Variants in WNT5B observed in about 807,000 individuals in gnomAD.
WNT5B encodes the protein Wnt family member 5B.
Under a neutral mutation model 36.5 loss-of-function variants are expected in WNT5B, and 18 were observed. The observed-to-expected ratio is 0.49, with a 90% CI of 0.34 to 0.73. The LOEUF is 0.73. Among genes scored for constraint, WNT5B ranks in the 30% least tolerant of loss-of-function variants. The pLI, the probability that WNT5B is intolerant of heterozygous loss-of-function variation, is 0.01. For synonymous variants in WNT5B, 213 were observed against 212.3 expected (o/e 1.00, Z -0.03); for missense variants, 424 against 508.4 (o/e 0.83, Z 1.60).
chr12:1,628,866 G>C (rs1193600027), upstream of WNT5B, among the ~76,000 whole-genome samples: 1 of 151,874 alleles, frequency 6.6e-6, no homozygotes. Flanking sequence ...TCAAGAATTG[G>C]CTCGCATCTG....
upstream of WNT5B, among the ~76,000 whole-genome samples, chr12:1,625,766 C>T (rs887393733): frequency 2.0e-5 from 3 of 152,130 alleles, no homozygotes; most frequent in South Asian, 2.1e-4. Context: ...CAGGTTCAAG[C>T]GATTCTCCTG....
intron 1 of WNT5B, chr12:1,629,991 G>GC: frequency 2.8e-6 from 1 of 363,086 alleles, no homozygotes; most frequent in South Asian, 1.1e-4. Flanking sequence ...GCCTGTTGGT[G>GC]CCCCCGCCCC....
chr12:1,639,595 C>T (rs990320248), intron 3 of WNT5B, 89 bp from the exon 4 acceptor site: 90 of 1,375,710 alleles, frequency 6.5e-5, no homozygotes, highest in Non-Finnish European at 7.2e-5. Context: ...AGAGCCGTGG[C>T]GTGCGGGTCC....
At position 1,633,290 on chromosome 12, in the gene WNT5B, A is replaced by G. The variant is rs977105376; in HGVS notation, c.328+385A>G. ...CAGTGCAAAAAAGAGCCTTGGGTAGAGAACCAGAAATTGCAGCCCTGAATG... is the reference window on the plus strand; with the variant it reads ...CAGTGCAAAAAAGAGCCTTGGGTAGGGAACCAGAAATTGCAGCCCTGAATG... On this transcript the variant is annotated intron_variant, in intron 3 of 4. Coordinates refer to ENST00000397196, the MANE Select transcript of WNT5B (RefSeq NM_032642.3). The surrounding 1 kb of genome is among the most constrained non-coding windows in gnomAD (Gnocchi z 4.8). Among the ~76,000 whole-genome samples, 1 of 152,186 alleles carries G rather than the reference A, an allele frequency of 6.6e-6. No homozygotes were observed.
In WNT5B at chr12:1,639,669, G is replaced by T. The variant is rs781295499; in HGVS notation, c.329-15G>T. The stretch of plus-strand genomic sequence containing the variant: ...GGAGAGCGCACCCGCTTACCGCCCT[G>T]GCCTCATTCTGCAGGCAGCCGAGAG... On this transcript the variant is annotated splice_polypyrimidine_tract_variant and intron_variant, in intron 3 of 4. Coordinates refer to ENST00000397196, the MANE Select transcript of WNT5B (RefSeq NM_032642.3). 1 of 1,523,968 alleles carries T rather than the reference G, an allele frequency of 6.6e-7. No homozygotes were observed. The highest frequency in any genetic ancestry group is 8.7e-7 in the Non-Finnish European group (1 of 1,145,780). 94.4% of individuals were successfully genotyped at this position (1,523,968 alleles called of 1,614,324 possible). A position where few individuals can be genotyped will look rare whatever the true frequency, so the allele number is the denominator to read the frequency against.
chr12:1,626,804 A>G (rs974368775), upstream of WNT5B, among the ~76,000 whole-genome samples: 11 of 151,864 alleles, frequency 7.2e-5, no homozygotes, highest in African/African-American at 2.4e-4. Flanking sequence ...TGACCTCATG[A>G]TCTGCCCGCC....
At chr12:1,627,393 G>A (rs1203005494), upstream of WNT5B, among the ~76,000 whole-genome samples, 2 of 152,216 alleles carry the variant, frequency 1.3e-5, no homozygotes, top group Admixed American at 6.5e-5. The surrounding 1 kb of genome is among the most constrained non-coding windows in gnomAD (Gnocchi z 5.0). Context: ...CTAGATATCA[G>A]TGGGTTTGTG....
chr12:1,638,304 A>G (rs1376559535), intron 3 of WNT5B, among the ~76,000 whole-genome samples: 1 of 152,232 alleles, frequency 6.6e-6, no homozygotes, highest in African/African-American at 2.4e-5. Flanking sequence ...AAGAAAGCTG[A>G]GCATAGTAAA....
At chr12:1,631,188 G>A (rs539922026) in intron 1 of WNT5B, 110 bp from the exon 2 acceptor site, 4 of 974,378 alleles carry the variant, frequency 4.1e-6, no homozygotes, top group Admixed American at 5.5e-5. Flanking sequence ...TCTTTGTGGG[G>A]AACACGCAGC....
At chr12:1,628,943 G>A (rs911859118), upstream of WNT5B, among the ~76,000 whole-genome samples, 1 of 151,972 alleles carries the variant, frequency 6.6e-6, no homozygotes, top group Admixed American at 6.6e-5. Flanking sequence ...GTGCACGCGC[G>A]CGTGCATATG....
chr12:1,639,384 C>T (rs1294261996), intron 3 of WNT5B, among the ~76,000 whole-genome samples: 5 of 152,192 alleles, frequency 3.3e-5, no homozygotes, highest in Non-Finnish European at 5.9e-5. Flanking sequence ...GTGGTCCGCC[C>T]GCCCCGGCCT....
Position 1,630,220 on chromosome 12 carries a change from T to C in WNT5B, c.-58+849T>C. The C allele has an allele frequency of 1.4e-5, 14 of 985,238 alleles. No homozygotes were observed. The highest frequency in any genetic ancestry group is 1.7e-5 in the Non-Finnish European group (14 of 829,886). 61.0% of individuals were successfully genotyped at this position (985,238 alleles called of 1,614,324 possible). A position where few individuals can be genotyped will look rare whatever the true frequency, so the allele number is the denominator to read the frequency against. On this transcript the variant is annotated intron_variant, in intron 1 of 4. Transcript: ENST00000397196. The surrounding 1 kb of genome is among the most constrained non-coding windows in gnomAD (Gnocchi z 5.3). ...TGAGCCGGGGCGCGCGGGGCTGCGCTCGTCAGGTCCGGGGCCCCGGGGAGG... is the reference window on the plus strand; with the variant it reads ...TGAGCCGGGGCGCGCGGGGCTGCGCCCGTCAGGTCCGGGGCCCCGGGGAGG...
chr12:1,623,189 T>TG (rs1291745492), intron 1 of WNT5B, among the ~76,000 whole-genome samples: 8 of 87,886 alleles, frequency 9.1e-5, no homozygotes, highest in African/African-American at 2.8e-4. Context: ...TTTTTGTTGT[T>TG]TTTTTTTTTT....
intron 3 of WNT5B, among the ~76,000 whole-genome samples, chr12:1,638,294 A>C (rs1806397800): frequency 6.6e-6 from 1 of 152,194 alleles, no homozygotes; most frequent in South Asian, 2.1e-4. Flanking sequence ...TGCACAGCAC[A>C]AGAAAGCTGA....
At chr12:1,624,402 G>A (rs201431007), upstream of WNT5B, among the ~76,000 whole-genome samples, 62 of 119,440 alleles carry the variant, frequency 5.2e-4, no homozygotes, top group Middle Eastern at 4.2e-3. Context: ...AAAAAAAAAA[G>A]AGAAAGCAGA....
upstream of WNT5B, among the ~76,000 whole-genome samples, chr12:1,627,633 C>T (rs540640729): frequency 1.3e-5 from 2 of 152,276 alleles, no homozygotes; most frequent in Non-Finnish European, 1.5e-5. The surrounding 1 kb of genome is among the most constrained non-coding windows in gnomAD (Gnocchi z 5.0). Context: ...CTTGGAGTTC[C>T]TGTCTTCCAA....
intron 3 of WNT5B, 82 bp from the exon 4 acceptor site, chr12:1,639,602 G>C: frequency 1.4e-6 from 2 of 1,410,600 alleles, no homozygotes; most frequent in Non-Finnish European, 1.8e-6. Flanking sequence ...TGGCGTGCGG[G>C]TCCGTCGGGG....
chr12:1,622,579 T>C lies in WNT5B; in HGVS notation c.-58+5436T>C, dbSNP rs556427667. Among the ~76,000 whole-genome samples the C allele has an allele frequency of 6.6e-5, 10 of 152,322 alleles. No individual in the cohort carries two copies. The South Asian group carries it at 2.1e-3, about 32-fold the overall frequency. On this transcript the variant is annotated intron_variant, in intron 1 of 4. Coordinates refer to the WNT5B transcript ENST00000310594. The stretch of plus-strand genomic sequence containing the variant: ...CTCACAGCAAATGGACCAAGTTGTA[T>C]GGAAGTCGAAGGGACTCTCCTTGTC...
At position 1,646,010 on chromosome 12, in the gene WNT5B, T is replaced by C. The variant is rs2094584886; in HGVS notation, c.838T>C (p.Tyr280His). Residue 280 changes from tyrosine (Y) to histidine (H), a missense_variant, in exon 5 of 5, where the codon TAT (tyrosine) becomes CAT (histidine). Physicochemically the swap from Tyr to His is moderately conservative, Grantham distance 83. Coordinates refer to ENST00000397196, the MANE Select transcript of WNT5B (RefSeq NM_032642.3). ...FTQPTPEDLV[Y>H]VDPSPDYCLR... Reference sequence around the variant, plus strand: ...CCAGCCCACCCCGGAGGACCTGGTCTATGTGGACCCCAGCCCCGACTACTG... The same window carrying C: ...CCAGCCCACCCCGGAGGACCTGGTCCATGTGGACCCCAGCCCCGACTACTG... 1.2e-6 allele frequency: 2 copies of C among 1,612,384 alleles called. No individual in the cohort carries two copies.
Sources: allele counts gnomAD v4.1 joint callset (sites outside exome capture counted in the v4.1 genomes callset), GRCh38; gene constraint gnomAD v4.1.1; non-coding constraint Gnocchi (gnomAD v3.1); transcripts MANE v1.5; gene names NCBI Gene and HGNC (gene_info 2026-07-23, HGNC 2026-07-21).